LRRC7: variants seen among roughly 807,000 people sequenced by gnomAD.
The protein encoded by LRRC7 is leucine-rich repeat-containing protein 7.
LRRC7 carries 23 observed loss-of-function variants against 175.7 expected under a neutral mutation model. That is an observed-to-expected ratio of 0.13 (90% CI 0.09 to 0.19). LRRC7 has a LOEUF of 0.19. LRRC7 is among the 10% of genes least tolerant of loss of function. The pLI, the probability that LRRC7 is intolerant of heterozygous loss-of-function variation, is 1.00. For synonymous variants in LRRC7, 685 were observed against 680.9 expected, an observed-to-expected ratio of 1.01 and a Z score of -0.09; for missense variants, 1,354 against 1,904.7, an observed-to-expected ratio of 0.71 and a Z score of 5.38.
At position 69,952,312 on chromosome 1, in the gene LRRC7, T is replaced by G. The variant is rs545683473; in HGVS notation, c.711+20742T>G. On this transcript the variant is annotated intron_variant, in intron 8 of 26. Transcript: ENST00000651989. ...AAACATATGATATGTTTTTAGTAAA[T>G]ATTTATTCCTTGCCCAAATGCATTT... 3.3e-5 allele frequency among the ~76,000 whole-genome samples: 5 copies of G among 152,160 alleles called. No individual in the cohort carries two copies. The South Asian group carries it at 1.0e-3, about 32-fold the overall frequency.
intron 8 of LRRC7, among the ~76,000 whole-genome samples, chr1:69,935,663 A>G (rs1478401831): frequency 6.6e-6 from 1 of 151,842 alleles, no homozygotes; most frequent in Non-Finnish European, 1.5e-5. Context: ...TCATTTTTCT[A>G]TTGGTAGTCA....
intron 2 of LRRC7, among the ~76,000 whole-genome samples, chr1:69,698,365 C>T (rs1391189603): frequency 6.6e-6 from 1 of 152,214 alleles, no homozygotes; most frequent in Non-Finnish European, 1.5e-5. Flanking sequence ...ATACTGATGA[C>T]AGTCTATCTG....
chr1:69,780,586 C>A (rs933560890), intron 3 of LRRC7, among the ~76,000 whole-genome samples: 2 of 152,004 alleles, frequency 1.3e-5, no homozygotes, highest in Non-Finnish European at 2.9e-5. Context: ...ACAATTTCAC[C>A]AAGTATGTAT....
rs182768695 is a variant in LRRC7 at position 69,835,301 on chromosome 1, A to T, written c.590+432A>T. Among the ~76,000 whole-genome samples, 77 of 152,026 alleles carry T rather than the reference A, an allele frequency of 5.1e-4. 2 individuals are homozygous for T. Among genetic ancestry groups the T allele is most frequent in the African/African-American group, 1.7e-3 (71 of 41,554 alleles). On this transcript the variant is annotated intron_variant, in intron 6 of 26. Coordinates refer to ENST00000651989, the MANE Select transcript of LRRC7 (RefSeq NM_001370785.2). ...ATTTAAGGTAAAACAATCAACTGAA[A>T]AAATAGTTTCATTATATATGAAAAA... is the stretch of plus-strand genomic sequence containing the variant.
chr1:69,951,872 CAACA>C (rs1398172832), intron 8 of LRRC7, among the ~76,000 whole-genome samples: 1 of 151,966 alleles, frequency 6.6e-6, no homozygotes, highest in Non-Finnish European at 1.5e-5. Flanking sequence ...ATAATCTGTA[CAACA>C]AACCCTCATG....
chr1:69,871,766 C>A (rs536647077), intron 7 of LRRC7, among the ~76,000 whole-genome samples: 1 of 151,892 alleles, frequency 6.6e-6, no homozygotes, highest in Non-Finnish European at 1.5e-5. Flanking sequence ...ATCCATGAGA[C>A]AAAATATTCT....
At chr1:69,779,236 C>A (rs1230772093) in intron 3 of LRRC7, among the ~76,000 whole-genome samples, 1 of 152,104 alleles carries the variant, frequency 6.6e-6, no homozygotes, top group Non-Finnish European at 1.5e-5. Flanking sequence ...TTCAAAGGCA[C>A]ACCTATGAAC....
At chr1:70,101,344 C>T (rs1368308435) in intron 25 of LRRC7, among the ~76,000 whole-genome samples, 1 of 152,144 alleles carries the variant, frequency 6.6e-6, no homozygotes, top group Admixed American at 6.6e-5. Flanking sequence ...ACCAATTTCT[C>T]AGCATCAGCT....
chr1:70,139,269 A>G lies in LRRC7; in HGVS notation c.*17382A>G, dbSNP rs914260156. ...AGATTCAGAATTAAGTACTCTTGGGATAAAGGAAATTAACGAGCTTTTGAC... is the reference window on the plus strand; with the variant it reads ...AGATTCAGAATTAAGTACTCTTGGGGTAAAGGAAATTAACGAGCTTTTGAC... On this transcript the variant is annotated 3_prime_UTR_variant, in exon 27 of 27. Transcript: ENST00000651989. 2.0e-5 allele frequency: 3 copies of G among 152,166 alleles called. No individual in the cohort carries two copies. Among genetic ancestry groups the G allele is most frequent in the African/African-American group, 7.2e-5 (3 of 41,454 alleles). 9.4% of individuals were successfully genotyped at this position (152,166 alleles called of 1,614,324 possible).
intron 3 of LRRC7, among the ~76,000 whole-genome samples, chr1:69,777,223 A>C (rs1289134799): frequency 6.6e-6 from 1 of 152,228 alleles, no homozygotes; most frequent in Non-Finnish European, 1.5e-5. Context: ...GCGGGATGCC[A>C]ACAGCAGGAG....
intron 2 of LRRC7, among the ~76,000 whole-genome samples, chr1:69,684,640 A>G (rs1239227450): frequency 6.6e-6 from 1 of 152,180 alleles, no homozygotes; most frequent in Non-Finnish European, 1.5e-5. Context: ...TTGAAGAAAG[A>G]CATCATGGTA....
chr1:69,854,539 T>G (rs1200923584), intron 7 of LRRC7, among the ~76,000 whole-genome samples: 3 of 152,058 alleles, frequency 2.0e-5, no homozygotes, highest in Non-Finnish European at 2.9e-5. Flanking sequence ...AGATTTTGAA[T>G]TTTTTGGTAA....
intron 1 of LRRC7, among the ~76,000 whole-genome samples, chr1:69,578,558 A>G (rs1646055451): frequency 1.3e-5 from 2 of 149,622 alleles, no homozygotes; most frequent in Admixed American, 6.7e-5. Flanking sequence ...TCCAACAATG[A>G]TAGACTGGAT....
chr1:69,629,803 T>A (rs528617691), intron 1 of LRRC7, among the ~76,000 whole-genome samples: 3 of 152,254 alleles, frequency 2.0e-5, no homozygotes, highest in East Asian at 1.9e-4. Flanking sequence ...AAGTTAATAT[T>A]TCTATATTTT....
chr1:69,866,941 T>G (rs1435713428), intron 7 of LRRC7, among the ~76,000 whole-genome samples: 1 of 152,162 alleles, frequency 6.6e-6, no homozygotes, highest in Non-Finnish European at 1.5e-5. Flanking sequence ...AAAGTTTATA[T>G]ATATTAAGCT....
At chr1:69,634,294 T>C (rs1205675174) in intron 1 of LRRC7, among the ~76,000 whole-genome samples, 1 of 152,150 alleles carries the variant, frequency 6.6e-6, no homozygotes, top group Non-Finnish European at 1.5e-5. Context: ...GTAGTCTGGC[T>C]CTAGAGCTTG....
chr1:69,968,494 C>G (rs187488796), intron 8 of LRRC7, among the ~76,000 whole-genome samples: 3 of 152,298 alleles, frequency 2.0e-5, no homozygotes, highest in Non-Finnish European at 4.4e-5. Context: ...CCCAGGCACA[C>G]TGTCATCAGA....
At chr1:69,583,599 T>G (rs926362024) in intron 1 of LRRC7, among the ~76,000 whole-genome samples, 1 of 152,172 alleles carries the variant, frequency 6.6e-6, no homozygotes, top group African/African-American at 2.4e-5. Flanking sequence ...GTTCAAGAAT[T>G]ATTATGCCAA....
intron 1 of LRRC7, among the ~76,000 whole-genome samples, chr1:69,616,941 T>C (rs12030975): frequency 0.32 from 48,619 of 152,030 alleles, 8,287 homozygotes; most frequent in East Asian, 0.59. Flanking sequence ...AAAGAAACTG[T>C]CAGAACTTGT....
Sources: gnomAD v4.1 joint callset for allele counts (sites outside exome capture counted in the v4.1 genomes callset) on GRCh38, gnomAD v4.1.1 for gene constraint, MANE v1.5 for transcripts, NCBI Gene and HGNC (gene_info 2026-07-23, HGNC 2026-07-21) for gene names.